The following WFDC11 variants were observed in gnomAD, a reference collection of about 807,000 sequenced individuals.
WFDC11 encodes protein WFDC11.
Under a neutral mutation model 9.9 loss-of-function variants are expected in WFDC11, and 9 were observed. That is an observed-to-expected ratio of 0.91 (90% CI 0.55 to 1.58). The LOEUF (loss-of-function observed/expected upper bound fraction) is 1.58. Ranked by LOEUF, WFDC11 falls within the 40% of genes most tolerant of loss-of-function variation. The probability of loss-of-function intolerance (pLI) is 0.00; values close to 1 mark genes in which losing one functional copy is unlikely to be tolerated. For missense variants in WFDC11, 106 were observed against 101.7 expected, an observed-to-expected ratio of 1.04 and a Z score of -0.18; for synonymous variants, 32 against 33.3, an observed-to-expected ratio of 0.96 and a Z score of 0.13.
At chr20:45,651,893 G>T (rs1982815825) in intron 2 of WFDC11, among the ~76,000 whole-genome samples, 2 of 152,180 alleles carry the variant, frequency 1.3e-5, no homozygotes, top group Middle Eastern at 3.2e-3. Flanking sequence ...TGGGGGAGGG[G>T]CACCCTCCAT....
intron 1 of WFDC11, among the ~76,000 whole-genome samples, chr20:45,669,667 T>G (rs866409301): frequency 3.3e-4 from 50 of 152,212 alleles, no homozygotes; most frequent in African/African-American, 1.2e-3. Context: ...TGGGACACAA[T>G]TAAACCAGTG....
At chr20:45,668,260 G>A (rs561573553) in intron 1 of WFDC11, among the ~76,000 whole-genome samples, 1 of 152,212 alleles carries the variant, frequency 6.6e-6, no homozygotes, top group Non-Finnish European at 1.5e-5. Context: ...AGCTGACTGT[G>A]AGAGGCTCTG....
At chr20:45,654,130 T>A (rs942413689) in intron 2 of WFDC11, among the ~76,000 whole-genome samples, 2 of 152,154 alleles carry the variant, frequency 1.3e-5, no homozygotes, top group Non-Finnish European at 2.9e-5. Context: ...GAATATACAT[T>A]CTTCTCAGCA....
intron 2 of WFDC11, among the ~76,000 whole-genome samples, chr20:45,652,862 C>T (rs986659968): frequency 4.0e-5 from 6 of 151,894 alleles, no homozygotes; most frequent in Admixed American, 6.6e-5. Flanking sequence ...TGAAATGAAG[C>T]GAGAAGAGAA....
chr20:45,662,346 C>T (rs6032414), intron 2 of WFDC11, among the ~76,000 whole-genome samples: 1 of 152,140 alleles, frequency 6.6e-6, no homozygotes, highest in Non-Finnish European at 1.5e-5. Context: ...TCTAGATATG[C>T]AATCATGTCA....
chr20:45,651,384 T>G (rs1196132306), intron 2 of WFDC11, among the ~76,000 whole-genome samples: 1 of 152,108 alleles, frequency 6.6e-6, no homozygotes. Context: ...GGGTTTTTTT[T>G]GTTTTGTTTG....
Position 45,649,289 on chromosome 20 carries a change from TC to T in WFDC11, c.210del (p.Trp70Ter). On this transcript the variant is annotated frameshift_variant, in exon 4 of 5. Transcript: ENST00000324384. LOFTEE classifies it low-confidence loss of function (END_TRUNC). ...ATCCAGCAGATGTTTCCACAATAGG[TC>T]CAGCAGCATGTGTAATTTTTGTCTT... ...RCKDKNYTCCWTYCGNICWIN... is the reference protein window; with the variant it reads ...RCKDKNYTCCXTYCGNICWIN... 1 of 1,614,072 alleles carries T rather than the reference TC, an allele frequency of 6.2e-7. No individual in the cohort carries two copies. The highest frequency in any genetic ancestry group is 8.5e-7 in the Non-Finnish European group (1 of 1,180,018).
At chr20:45,662,483 C>T (rs1299764900) in intron 2 of WFDC11, among the ~76,000 whole-genome samples, 8 of 152,254 alleles carry the variant, frequency 5.3e-5, no homozygotes, top group African/African-American at 9.6e-5. Context: ...GAGAGGGCAT[C>T]CCTGTCTTGT....
chr20:45,649,204 A>T lies in WFDC11; in HGVS notation c.243+53T>A, dbSNP rs573212003. 3 of 1,599,092 alleles carry T rather than the reference A, an allele frequency of 1.9e-6. No homozygotes were observed. In the East Asian group the frequency reaches 6.7e-5, roughly 36 times the overall value. On this transcript the variant is annotated intron_variant, in intron 4 of 4. Coordinates refer to ENST00000324384, the MANE Select transcript of WFDC11 (RefSeq NM_147197.2). ...TGTTTAGGAATAACAGCCTCCGAGA[A>T]GGGAATGAGAATCAGTGAAGATATA...
chr20:45,651,519 G>T (rs936001707), intron 2 of WFDC11, among the ~76,000 whole-genome samples: 1 of 152,144 alleles, frequency 6.6e-6, no homozygotes, highest in Non-Finnish European at 1.5e-5. Flanking sequence ...AGCTCCCAGC[G>T]TGAGCGACAC....
At chr20:45,659,431 G>A (rs1412982583) in intron 2 of WFDC11, among the ~76,000 whole-genome samples, 1 of 152,196 alleles carries the variant, frequency 6.6e-6, no homozygotes, top group African/African-American at 2.4e-5. Flanking sequence ...GTATCTCATT[G>A]TGGTTTTGAT....
At chr20:45,666,145 C>T (rs142835527) in intron 2 of WFDC11, among the ~76,000 whole-genome samples, 396 of 152,354 alleles carry the variant, frequency 2.6e-3, no homozygotes, top group Middle Eastern at 6.8e-3. Flanking sequence ...ACCCCTCCCC[C>T]CGCCAGGCTG....
At chr20:45,662,416 G>T (rs6104282) in intron 2 of WFDC11, among the ~76,000 whole-genome samples, 8 of 151,884 alleles carry the variant, frequency 5.3e-5, no homozygotes, top group African/African-American at 1.7e-4. Flanking sequence ...TTATTTCCTT[G>T]TCCTGCCTAA....
At chr20:45,669,172 C>T (rs958055981) in intron 1 of WFDC11, among the ~76,000 whole-genome samples, 1 of 152,100 alleles carries the variant, frequency 6.6e-6, no homozygotes, top group African/African-American at 2.4e-5. Context: ...AAACTTAAAA[C>T]CCATCTTTAC....
At chr20:45,657,682 A>T (rs1268767064) in intron 2 of WFDC11, among the ~76,000 whole-genome samples, 1 of 152,202 alleles carries the variant, frequency 6.6e-6, no homozygotes, top group African/African-American at 2.4e-5. Context: ...TCTGCACATG[A>T]ATGAGAATTG....
chr20:45,663,256 T>C (rs902893823), intron 2 of WFDC11, among the ~76,000 whole-genome samples: 37 of 152,110 alleles, frequency 2.4e-4, no homozygotes, highest in African/African-American at 8.9e-4. Context: ...TCTGTGGGAT[T>C]GGTGGTGATA....
intron 1 of WFDC11, among the ~76,000 whole-genome samples, chr20:45,669,043 A>G (rs913055658): frequency 6.6e-6 from 1 of 152,158 alleles, no homozygotes; most frequent in Non-Finnish European, 1.5e-5. Flanking sequence ...CATTTCCTTC[A>G]TCTTGACCCT....
At chr20:45,648,835 A>G in intron 4 of WFDC11, 96 bp from the exon 5 acceptor site, 1 of 1,278,172 alleles carries the variant, frequency 7.8e-7, no homozygotes, top group Non-Finnish European at 1.1e-6. Flanking sequence ...TCACCAGACA[A>G]TGGGACAAGA....
At chr20:45,652,088 G>A (rs916426893) in intron 2 of WFDC11, among the ~76,000 whole-genome samples, 1 of 152,154 alleles carries the variant, frequency 6.6e-6, no homozygotes, top group Admixed American at 6.5e-5. Flanking sequence ...AGAGAGTAGT[G>A]TTTCTCCCAG....
Sources: allele counts gnomAD v4.1 joint callset (sites outside exome capture counted in the v4.1 genomes callset), GRCh38; gene constraint gnomAD v4.1.1; transcripts MANE v1.5; gene names NCBI Gene and HGNC (gene_info 2026-07-23, HGNC 2026-07-21).